The following PDGFB variants were observed in gnomAD, a reference collection of about 807,000 sequenced individuals.
PDGFB encodes platelet-derived growth factor subunit B.
A neutral mutation model predicts 29.0 loss-of-function variants in PDGFB; 6 were observed. The ratio of observed to expected loss-of-function variants is 0.21; its 90% CI spans 0.11 to 0.41. PDGFB has a LOEUF of 0.41. PDGFB is among the 10% of genes least tolerant of loss of function. The probability of loss-of-function intolerance (pLI) is 1.00; values close to 1 mark genes in which losing one functional copy is unlikely to be tolerated. For missense variants in PDGFB, 299 were observed against 341.8 expected, an observed-to-expected ratio of 0.87 and a Z score of 0.99; for synonymous variants, 144 against 140.8, an observed-to-expected ratio of 1.02 and a Z score of -0.16.
intron 5 of PDGFB, 148 bp downstream of exon 5, chr22:39,229,936 T>C (rs1379246885): frequency 1.0e-5 from 10 of 975,880 alleles, no homozygotes; most frequent in Non-Finnish European, 1.5e-5. Flanking sequence ...GGGAGGAACC[T>C]GGCTTGTGTC....
intron 1 of PDGFB, among the ~76,000 whole-genome samples, chr22:39,238,169 G>C (rs1347083953): frequency 6.6e-6 from 1 of 152,198 alleles, no homozygotes; most frequent in Non-Finnish European, 1.5e-5. Flanking sequence ...GGCTGAGTGT[G>C]AAAGAGCCCA....
intron 2 of PDGFB, 35 bp from the exon 3 acceptor site, chr22:39,233,559 C>CTGTGT: frequency 6.6e-7 from 1 of 1,514,324 alleles, no homozygotes; most frequent in African/African-American, 1.4e-5. Context: ...ACCAGGCGGC[C>CTGTGT]CCACCTTGGG....
At chr22:39,239,359 A>G (rs1479642265) in intron 1 of PDGFB, among the ~76,000 whole-genome samples, 1 of 149,118 alleles carries the variant, frequency 6.7e-6, no homozygotes, top group Non-Finnish European at 1.5e-5. Context: ...CCACACTGGC[A>G]GAGCCTGGGC....
In PDGFB at chr22:39,225,749, C is replaced by T. The variant is rs201229710; in HGVS notation, c.700G>A (p.Ala234Thr). 4.3e-6 allele frequency: 7 copies of T among 1,614,144 alleles called. No homozygotes were observed. The East Asian group carries it at 1.6e-4, about 36-fold the overall frequency. Residue 234 changes from alanine (A) to threonine (T), a missense_variant, in exon 6 of 7, where the codon GCA (alanine) becomes ACA (threonine). Ala to Thr is a moderately conservative substitution (Grantham distance 58). Transcript: ENST00000331163. ...RKFKHTHDKTALKETLGA is the reference protein window; with the variant it reads ...RKFKHTHDKTTLKETLGA ...TAGGCTCCAAGGGTCTCCTTCAGTG[C>T]CGTCTTGTCATGCGTGTGCTTGAAT...
At chr22:39,229,933 A>C in intron 5 of PDGFB, 151 bp downstream of exon 5, 1 of 930,722 alleles carries the variant, frequency 1.1e-6, no homozygotes, top group Non-Finnish European at 1.6e-6. Flanking sequence ...CCAGGGAGGA[A>C]CCTGGCTTGT....
In PDGFB at chr22:39,226,692, T is replaced by A. The variant is rs141181032; in HGVS notation, c.602-845A>T. 4.6e-3 allele frequency among the ~76,000 whole-genome samples: 697 copies of A among 152,334 alleles called. 2 individuals carry two copies. Among genetic ancestry groups the A allele is most frequent in the South Asian group, 0.014 (67 of 4,826 alleles). ...CTTAGCTTGACCTACTATTGAGGTT[T>A]CCTCCCAACCTCTCAGCCCCGTCCG... On this transcript the variant is annotated intron_variant, in intron 5 of 6. Coordinates refer to ENST00000331163, the MANE Select transcript of PDGFB (RefSeq NM_002608.4).
In PDGFB at chr22:39,242,780, C is replaced by T. The variant is rs1045925286; in HGVS notation, c.63+1121G>A. ...GCTGGAGGCCGCAGGGGCCGACCCT[C>T]CCCGGGAGCCGGCGAGGTGCGGGCG... On this transcript the variant is annotated intron_variant, in intron 1 of 6. Transcript: ENST00000331163. This position sits in a 1 kb window ranked among gnomAD's most constrained non-coding sequence, Gnocchi z 5.7. 4 of 230,778 alleles carry T rather than the reference C, an allele frequency of 1.7e-5. No individual in the cohort carries two copies. In the South Asian group the frequency reaches 7.3e-4, roughly 42 times the overall value. 14.3% of individuals were successfully genotyped at this position (230,778 alleles called of 1,614,324 possible).
chr22:39,232,499 C>CT (rs375629243), intron 3 of PDGFB, among the ~76,000 whole-genome samples: 26 of 150,918 alleles, frequency 1.7e-4, no homozygotes, highest in African/African-American at 5.8e-4. Context: ...TGACTTTTTT[C>CT]TTTTTTTTTG....
At chr22:39,237,489 G>A (rs1932473314) in intron 1 of PDGFB, among the ~76,000 whole-genome samples, 1 of 152,198 alleles carries the variant, frequency 6.6e-6, no homozygotes, top group Non-Finnish European at 1.5e-5. Flanking sequence ...GCCAGGGGCT[G>A]CACGTGCAAG....
chr22:39,243,798 C>T lies in PDGFB; in HGVS notation c.63+103G>A, dbSNP rs563097159. On this transcript the variant is annotated intron_variant, in intron 1 of 6. Transcript: ENST00000331163. This position sits in a 1 kb window ranked among gnomAD's most constrained non-coding sequence, Gnocchi z 6.4. ...CAGCGCCCGGCGTCAGGCTCGCGGG[C>T]TGCAAGGGTCCAAAGTTCACTGCAG... 1.2e-4 allele frequency: 112 copies of T among 901,446 alleles called. No individual in the cohort carries two copies. In the African/African-American group the frequency reaches 1.4e-3, roughly 11 times the overall value. 55.8% of individuals were successfully genotyped at this position (901,446 alleles called of 1,614,324 possible). A position where few individuals can be genotyped will look rare whatever the true frequency, so the allele number is the denominator to read the frequency against.
At chr22:39,236,090 C>T (rs1307239495) in intron 1 of PDGFB, among the ~76,000 whole-genome samples, 1 of 152,274 alleles carries the variant, frequency 6.6e-6, no homozygotes, top group Non-Finnish European at 1.5e-5. Flanking sequence ...TCCCTGCACC[C>T]TCAACCCCCA....
chr22:39,234,546 C>T (rs549916184), intron 2 of PDGFB, among the ~76,000 whole-genome samples: 26 of 152,350 alleles, frequency 1.7e-4, no homozygotes, highest in African/African-American at 5.8e-4. Context: ...AGGCGCCTGC[C>T]GCCTGTCCGT....
intron 5 of PDGFB, among the ~76,000 whole-genome samples, chr22:39,226,421 C>A (rs923910376): frequency 2.6e-5 from 4 of 152,108 alleles, no homozygotes; most frequent in African/African-American, 9.7e-5. Context: ...CTGGTGGGGA[C>A]TGGCTCTCCC....
rs1932597952 is a variant in PDGFB, at chr22:39,242,759, G to T, written c.63+1142C>A. Among the ~76,000 whole-genome samples the T allele has an allele frequency of 6.6e-6, 1 of 152,104 alleles. No homozygotes were observed. Among genetic ancestry groups the T allele is most frequent in the African/African-American group, 2.4e-5 (1 of 41,454 alleles). On this transcript the variant is annotated intron_variant, in intron 1 of 6. Coordinates refer to ENST00000331163, the MANE Select transcript of PDGFB (RefSeq NM_002608.4). The surrounding 1 kb of genome is among the most constrained non-coding windows in gnomAD (Gnocchi z 5.7). ...GCTGCCTCCTTCCTGCGCCTGGCTG[G>T]AGGCCGCAGGGGCCGACCCTCCCCG...
Position 39,231,348 on chromosome 22 carries a change from G to T in PDGFB, c.456+274C>A, listed in dbSNP as rs1182645365. Among the ~76,000 whole-genome samples the T allele has an allele frequency of 6.6e-6, 1 of 152,184 alleles. No individual in the cohort carries two copies. Among genetic ancestry groups the T allele is most frequent in the Non-Finnish European group, 1.5e-5 (1 of 68,040 alleles). On this transcript the variant is annotated intron_variant, in intron 4 of 6. Transcript: ENST00000331163. The surrounding 1 kb of genome is among the most constrained non-coding windows in gnomAD (Gnocchi z 4.3). The stretch of plus-strand genomic sequence containing the variant: ...GAGGTGACATCCCTACTTCACGTTG[G>T]CTCCACACCTCGCCCAGCCCGGGGG...
chr22:39,225,877 C>T lies in PDGFB; in HGVS notation c.602-30G>A, dbSNP rs7290961. ...ACAAGAAAAAGAAAGACCTCGTCAG[C>T]ATGTGGACCATTGGGGAGGTCTCTC... On this transcript the variant is annotated intron_variant, in intron 5 of 6. Transcript: ENST00000331163. The T allele has an allele frequency of 3.1e-4, 495 of 1,598,200 alleles. 7 individuals are homozygous for T. In the African/African-American group the frequency reaches 5.5e-3, roughly 18 times the overall value.
In PDGFB at chr22:39,223,527, G is replaced by GTATGTGT. The variant is rs1231584072; in HGVS notation, c.*1808_*1814dup. On this transcript the variant is annotated 3_prime_UTR_variant, in exon 7 of 7. Transcript: ENST00000331163. Reference sequence around the variant, plus strand: ...TGTATGTGCACGCATGTGTGAGCATGTATGTGTGTGTGTGTGTATGTGCAC... The same window carrying GTATGTGT: ...TGTATGTGCACGCATGTGTGAGCATGTATGTGTTATGTGTGTGTGTGTGTATGTGCAC... 1 of 152,524 alleles carries GTATGTGT rather than the reference G, an allele frequency of 6.6e-6. No homozygotes were observed. Among genetic ancestry groups the GTATGTGT allele is most frequent in the African/African-American group, 2.4e-5 (1 of 41,420 alleles). 9.4% of individuals were successfully genotyped at this position (152,524 alleles called of 1,614,324 possible). A position where few individuals can be genotyped will look rare whatever the true frequency, so the allele number is the denominator to read the frequency against.
chr22:39,241,244 C>A, intron 1 of PDGFB: 1 of 428,534 alleles, frequency 2.3e-6, no homozygotes, highest in African/African-American at 1.9e-5. Flanking sequence ...CCCTGCCTCA[C>A]GGCTGCCTGC....
rs1932615384 is a variant in PDGFB at position 39,243,274 on chromosome 22, T to TCTTTCTC, written c.63+626_63+627insGAGAAAG. On this transcript the variant is annotated intron_variant, in intron 1 of 6. Coordinates refer to ENST00000331163, the MANE Select transcript of PDGFB (RefSeq NM_002608.4). This position sits in a 1 kb window ranked among gnomAD's most constrained non-coding sequence, Gnocchi z 6.4. ...TCCGTCTCTCTCTCTCTCTCTCTCT[T>TCTTTCTC]TCTCTCTCTCTCTCTCTCTCTCCCT... Among the ~76,000 whole-genome samples, 3 of 60,806 alleles carry TCTTTCTC rather than the reference T, an allele frequency of 4.9e-5. No individual in the cohort carries two copies. The highest frequency in any genetic ancestry group is 8.1e-5 in the African/African-American group (2 of 24,794). The allele number at this position is 60,806 out of a possible 152,430, so 39.9% of individuals were successfully genotyped here. A position where few individuals can be genotyped will look rare whatever the true frequency, so the allele number is the denominator to read the frequency against.
Sources: gnomAD v4.1 joint callset for allele counts (sites outside exome capture counted in the v4.1 genomes callset) on GRCh38, gnomAD v4.1.1 for gene constraint, Gnocchi (gnomAD v3.1) non-coding constraint, MANE v1.5 for transcripts, NCBI Gene and HGNC (gene_info 2026-07-23, HGNC 2026-07-21) for gene names.